CWF19L2: variants seen among roughly 807,000 people sequenced by gnomAD.
CWF19L2 encodes the protein CWF19-like protein 2.
In CWF19L2, 98 loss-of-function variants were observed where a neutral mutation model predicts 111.7. That is an observed-to-expected ratio of 0.88 (90% confidence interval 0.75 to 1.04). The LOEUF is 1.04. Ranked by LOEUF, CWF19L2 falls within the 50% of genes least tolerant of loss-of-function variation. CWF19L2 has a pLI of 0.00. For synonymous variants in CWF19L2, 351 were observed against 342.9 expected (o/e 1.02, Z -0.26); for missense variants, 1,101 against 1,051.4 (o/e 1.05, Z -0.65).
At position 107,436,141 on chromosome 11, in the gene CWF19L2, A is replaced by G. The variant is rs1336504384; in HGVS notation, c.665-2392T>C. Among the ~76,000 whole-genome samples, 17 of 149,852 alleles carry G rather than the reference A, an allele frequency of 1.1e-4. No individual in the cohort carries two copies. The East Asian group carries it at 3.3e-3, about 29-fold the overall frequency. ...TGCACTCCAGCCTTGTGACAGAGCG[A>G]GACTCCACACGCCCCCCGACCCAAA... On this transcript the variant is annotated intron_variant, in intron 6 of 17. Coordinates refer to ENST00000282251, the MANE Select transcript of CWF19L2 (RefSeq NM_152434.3).
intron 16 of CWF19L2, among the ~76,000 whole-genome samples, chr11:107,333,827 G>C (rs1201507811): frequency 6.6e-6 from 1 of 152,164 alleles, no homozygotes; most frequent in Non-Finnish European, 1.5e-5. Flanking sequence ...AGAAGAAATG[G>C]GGGAGAAGTA....
At chr11:107,364,488 G>A (rs1277888632) in intron 12 of CWF19L2, among the ~76,000 whole-genome samples, 1 of 147,322 alleles carries the variant, frequency 6.8e-6, no homozygotes, top group Non-Finnish European at 1.5e-5. Flanking sequence ...AGACCACAGT[G>A]CAATCAAACT....
At chr11:107,408,550 T>C (rs1861113842) in intron 10 of CWF19L2, among the ~76,000 whole-genome samples, 1 of 152,014 alleles carries the variant, frequency 6.6e-6, no homozygotes, top group African/African-American at 2.4e-5. Flanking sequence ...CCATTTTCTT[T>C]AATTTATTTT....
chr11:107,379,258 C>T (rs879238613), intron 12 of CWF19L2, among the ~76,000 whole-genome samples: 2 of 152,204 alleles, frequency 1.3e-5, no homozygotes, highest in Admixed American at 6.5e-5. Context: ...TCAAATGAGG[C>T]AATTTTGCTT....
Position 107,429,455 on chromosome 11 carries a change from C to T in CWF19L2, c.781-4G>A. The T allele has an allele frequency of 6.5e-7, 1 of 1,527,466 alleles. No homozygotes were observed. Among genetic ancestry groups the T allele is most frequent in the South Asian group, 1.3e-5 (1 of 79,018 alleles). 94.6% of individuals were successfully genotyped at this position (1,527,466 alleles called of 1,614,324 possible). On this transcript the variant is annotated splice_region_variant and splice_polypyrimidine_tract_variant and intron_variant, in intron 7 of 17. Transcript: ENST00000282251. ...TTGACTGAAATATTTCCATTGACTA[C>T]AAAGGAGAAAAATTAAACAAGATAT...
intron 7 of CWF19L2, among the ~76,000 whole-genome samples, chr11:107,430,054 G>A (rs1279932190): frequency 6.6e-6 from 1 of 151,902 alleles, no homozygotes; most frequent in East Asian, 1.9e-4. Flanking sequence ...CCAGAAAGAT[G>A]GAGCAAAGAT....
chr11:107,329,305 T>C (rs1214189820), intron 17 of CWF19L2, among the ~76,000 whole-genome samples: 1 of 152,136 alleles, frequency 6.6e-6, no homozygotes, highest in Non-Finnish European at 1.5e-5. Context: ...CAATCTGTGG[T>C]AGTGAATCAA....
At chr11:107,405,374 T>A (rs1447374597) in intron 10 of CWF19L2, among the ~76,000 whole-genome samples, 1 of 152,172 alleles carries the variant, frequency 6.6e-6, no homozygotes, top group Non-Finnish European at 1.5e-5. Context: ...ATAAAACTAA[T>A]TCAAAATCAC....
chr11:107,384,577 T>G (rs1860737626), intron 12 of CWF19L2, among the ~76,000 whole-genome samples: 1 of 152,212 alleles, frequency 6.6e-6, no homozygotes, highest in South Asian at 2.1e-4. Context: ...GCATTGAAGA[T>G]TTTATATCCT....
chr11:107,365,590 T>C (rs1298441089), intron 12 of CWF19L2, among the ~76,000 whole-genome samples: 44 of 100,928 alleles, frequency 4.4e-4, no homozygotes, highest in East Asian at 3.0e-3. Flanking sequence ...ATTCTCTCAA[T>C]AGATGCAGAA....
At chr11:107,358,542 G>C (rs572036015) in intron 12 of CWF19L2, among the ~76,000 whole-genome samples, 1 of 152,212 alleles carries the variant, frequency 6.6e-6, no homozygotes, top group South Asian at 2.1e-4. Context: ...ACTGATACTT[G>C]TTACAACATG....
At chr11:107,439,006 C>T (rs1861579830) in intron 6 of CWF19L2, 84 bp downstream of exon 6, 1 of 686,392 alleles carries the variant, frequency 1.5e-6, no homozygotes, top group African/African-American at 2.1e-5. Context: ...CCACTGCACT[C>T]CCTGGCTGAC....
chr11:107,359,534 T>A (rs1860291505), intron 12 of CWF19L2, among the ~76,000 whole-genome samples: 1 of 152,190 alleles, frequency 6.6e-6, no homozygotes, highest in Admixed American at 6.5e-5. Flanking sequence ...GAGTGACTAT[T>A]ACCCTTTGTG....
At chr11:107,394,698 C>T (rs548438225) in intron 10 of CWF19L2, among the ~76,000 whole-genome samples, 188 of 152,158 alleles carry the variant, frequency 1.2e-3, no homozygotes, top group African/African-American at 4.3e-3. Context: ...GAAACTACTC[C>T]CCACATGAAT....
chr11:107,334,783 C>G (rs1859897621), intron 16 of CWF19L2, 98 bp downstream of exon 16: 1 of 785,798 alleles, frequency 1.3e-6, no homozygotes, highest in Non-Finnish European at 2.2e-6. Context: ...CGCCTTCAGT[C>G]ACTCAACCAA....
chr11:107,440,389 A>ATTTG (rs1565286003), intron 5 of CWF19L2, among the ~76,000 whole-genome samples: 1 of 152,222 alleles, frequency 6.6e-6, no homozygotes, highest in African/African-American at 2.4e-5. Flanking sequence ...GACGAAAAAG[A>ATTTG]ACCTTCAAAG....
intron 8 of CWF19L2, 113 bp downstream of exon 8, chr11:107,428,686 T>C: frequency 1.2e-6 from 1 of 848,340 alleles, no homozygotes; most frequent in Non-Finnish European, 1.9e-6. Flanking sequence ...CTTCTATCAA[T>C]TTTAAGAAAT....
At chr11:107,347,230 A>C (rs77390226) in intron 14 of CWF19L2, among the ~76,000 whole-genome samples, 1,798 of 152,272 alleles carry the variant, frequency 0.012, 29 homozygotes, top group African/African-American at 0.04. Context: ...AGGAAGTCTA[A>C]AATTACATTT....
intron 6 of CWF19L2, among the ~76,000 whole-genome samples, chr11:107,438,379 A>C (rs1419037431): frequency 6.6e-6 from 1 of 152,194 alleles, no homozygotes; most frequent in Non-Finnish European, 1.5e-5. Flanking sequence ...GCACTCTCCT[A>C]AGGTCAATAC....
Sources: allele counts gnomAD v4.1 joint callset (sites outside exome capture counted in the v4.1 genomes callset), GRCh38; gene constraint gnomAD v4.1.1; transcripts MANE v1.5; gene names NCBI Gene and HGNC (gene_info 2026-07-23, HGNC 2026-07-21).